Variants in IMMP2L observed in about 807,000 individuals in gnomAD.
IMMP2L encodes mitochondrial inner membrane protease subunit 2.
IMMP2L carries 18 observed loss-of-function variants against 19.3 expected under a neutral mutation model. The observed-to-expected ratio is 0.93, with a 90% CI of 0.64 to 1.38. The LOEUF is 1.38. IMMP2L is among the 40% of genes most tolerant of loss of function. IMMP2L has a pLI of 0.00. For synonymous variants in IMMP2L, 76 were observed against 73.0 expected, an observed-to-expected ratio of 1.04 and a Z score of -0.21; for missense variants, 233 against 218.2, an observed-to-expected ratio of 1.07 and a Z score of -0.43.
intron 4 of IMMP2L, among the ~76,000 whole-genome samples, chr7:110,903,490 T>C (rs1185641431): frequency 6.6e-6 from 1 of 152,224 alleles, no homozygotes; most frequent in Admixed American, 6.5e-5. Context: ...ATACCTCATG[T>C]AAGTGAAATC....
intron 4 of IMMP2L, among the ~76,000 whole-genome samples, chr7:110,905,569 T>C (rs1812361534): frequency 6.6e-6 from 1 of 152,064 alleles, no homozygotes; most frequent in African/African-American, 2.4e-5. Flanking sequence ...AAATAGAACT[T>C]ATCAGGTAAA....
intron 4 of IMMP2L, among the ~76,000 whole-genome samples, chr7:110,898,289 G>A (rs995107499): frequency 2.6e-5 from 4 of 151,018 alleles, no homozygotes; most frequent in Non-Finnish European, 5.9e-5. Flanking sequence ...AGGGCAATAT[G>A]TCCAGGAATC....
intron 3 of IMMP2L, among the ~76,000 whole-genome samples, chr7:111,217,122 T>TCACACACA (rs1333152322): frequency 0.018 from 2,462 of 140,276 alleles, 72 homozygotes; most frequent in African/African-American, 0.065. Flanking sequence ...TCTCTCTCTC[T>TCACACACA]CTCTCACACA....
chr7:111,492,430 CCT>C (rs1024851634), intron 2 of IMMP2L: 1 of 979,926 alleles, frequency 1.0e-6, no homozygotes, highest in Admixed American at 6.2e-5. Context: ...TCAGACTTCC[CCT>C]CTGTCAAGAA....
intron 3 of IMMP2L, among the ~76,000 whole-genome samples, chr7:111,357,367 C>T (rs1054901927): frequency 1.3e-5 from 2 of 152,144 alleles, no homozygotes; most frequent in African/African-American, 4.8e-5. Context: ...CACCACACAG[C>T]ATGAGGTATA....
chr7:110,907,441 C>A (rs1201724337), intron 4 of IMMP2L, among the ~76,000 whole-genome samples: 2 of 152,162 alleles, frequency 1.3e-5, no homozygotes, highest in African/African-American at 4.8e-5. Context: ...TAGTCTCCAA[C>A]ATCCAACTGC....
intron 3 of IMMP2L, among the ~76,000 whole-genome samples, chr7:111,083,538 A>G (rs1796059893): frequency 6.6e-6 from 1 of 152,196 alleles, no homozygotes; most frequent in Non-Finnish European, 1.5e-5. Context: ...AGGGCCTCAA[A>G]AGATCACTGA....
At chr7:111,426,003 T>G (rs1183395413) in intron 3 of IMMP2L, among the ~76,000 whole-genome samples, 1 of 151,188 alleles carries the variant, frequency 6.6e-6, no homozygotes, top group Non-Finnish European at 1.5e-5. Flanking sequence ...TACAACGTGA[T>G]ATACATTAAC....
At chr7:110,889,554 G>A (rs1239038789) in intron 4 of IMMP2L, among the ~76,000 whole-genome samples, 2 of 152,200 alleles carry the variant, frequency 1.3e-5, no homozygotes, top group African/African-American at 2.4e-5. Context: ...TAATACAGAT[G>A]AAGCTTCCCT....
chr7:111,480,121 T>C (rs1178411998), intron 3 of IMMP2L, among the ~76,000 whole-genome samples: 1 of 151,608 alleles, frequency 6.6e-6, no homozygotes, highest in African/African-American at 2.4e-5. Context: ...TCTCACTTTG[T>C]TGCCCAGGCT....
chr7:111,291,470 G>A (rs891740815), intron 3 of IMMP2L, among the ~76,000 whole-genome samples: 2 of 152,148 alleles, frequency 1.3e-5, no homozygotes, highest in African/African-American at 2.4e-5. Context: ...AGAGCTTAGA[G>A]TGAAAGCATC....
intron 5 of IMMP2L, among the ~76,000 whole-genome samples, chr7:110,698,880 G>C (rs575808025): frequency 6.6e-6 from 1 of 152,312 alleles, no homozygotes; most frequent in East Asian, 1.9e-4. Flanking sequence ...CTATGGCCTT[G>C]TGTCCATCTG....
chr7:111,336,216 T>TC (rs1454967352), intron 3 of IMMP2L, among the ~76,000 whole-genome samples: 1 of 150,810 alleles, frequency 6.6e-6, no homozygotes, highest in Non-Finnish European at 1.5e-5. Flanking sequence ...CGGCTATTTT[T>TC]TTTTTTTTTA....
chr7:111,047,709 C>A (rs1792545250), intron 3 of IMMP2L, among the ~76,000 whole-genome samples: 1 of 152,058 alleles, frequency 6.6e-6, no homozygotes, highest in African/African-American at 2.4e-5. Context: ...CAGACTTGGT[C>A]TAGAGACCCA....
intron 3 of IMMP2L, among the ~76,000 whole-genome samples, chr7:111,208,601 C>G (rs752787913): frequency 5.3e-5 from 8 of 152,076 alleles, no homozygotes; most frequent in Non-Finnish European, 1.0e-4. Context: ...AATTATCTCC[C>G]TGGTACCAAA....
At chr7:111,257,758 A>G (rs1816872770) in intron 3 of IMMP2L, among the ~76,000 whole-genome samples, 2 of 152,046 alleles carry the variant, frequency 1.3e-5, no homozygotes, top group Admixed American at 6.6e-5. Flanking sequence ...CGGCCTATAC[A>G]TCTTTTAAAC....
At chr7:111,267,511 T>G (rs1181766687) in intron 3 of IMMP2L, among the ~76,000 whole-genome samples, 1 of 152,076 alleles carries the variant, frequency 6.6e-6, no homozygotes, top group Admixed American at 6.6e-5. Flanking sequence ...TCACTTACTG[T>G]GATTATAAAC....
chr7:111,144,094 A>C lies in IMMP2L; in HGVS notation c.240-180529T>G, dbSNP rs1803221080. Among the ~76,000 whole-genome samples the C allele has an allele frequency of 2.0e-5, 3 of 152,192 alleles. No individual in the cohort carries two copies. The South Asian group carries it at 6.2e-4, about 31-fold the overall frequency. ...TACAAGGCAAACCCATCATGTTGTG[A>C]CAAAACCTACTACATTTACTAGAGA... On this transcript the variant is annotated intron_variant, in intron 3 of 5. Transcript: ENST00000405709.
intron 2 of IMMP2L, among the ~76,000 whole-genome samples, chr7:111,519,904 T>G (rs559134056): frequency 1.6e-4 from 25 of 152,190 alleles, no homozygotes; most frequent in African/African-American, 5.8e-4. Context: ...TGATTATTTG[T>G]TACCAAAAGA....
Sources: gnomAD v4.1 joint callset for allele counts (sites outside exome capture counted in the v4.1 genomes callset) on GRCh38, gnomAD v4.1.1 for gene constraint, MANE v1.5 for transcripts, NCBI Gene and HGNC (gene_info 2026-07-23, HGNC 2026-07-21) for gene names.